The following KIAA1549 variants were observed in gnomAD, a reference collection of about 807,000 sequenced individuals.
The protein encoded by KIAA1549 is KIAA1549, also known as UPF0606 protein KIAA1549.
A neutral mutation model predicts 156.4 loss-of-function variants in KIAA1549; 70 were observed. That is an observed-to-expected ratio of 0.45 (90% CI 0.37 to 0.55). The LOEUF is 0.55. KIAA1549 is among the 20% of genes least tolerant of loss of function. The pLI, the probability that KIAA1549 is intolerant of heterozygous loss-of-function variation, is 0.00. For synonymous variants in KIAA1549, 1,103 were observed against 1,066.4 expected (o/e 1.03, Z -0.67); for missense variants, 2,428 against 2,540.9 (o/e 0.96, Z 0.96).
intron 16 of KIAA1549, among the ~76,000 whole-genome samples, chr7:138,860,197 T>C (rs554452318): frequency 1.3e-5 from 2 of 152,308 alleles, no homozygotes; most frequent in African/African-American, 4.8e-5. Flanking sequence ...AGCTATATTT[T>C]AAAATTAAAA....
At position 138,840,182 on chromosome 7, in the gene KIAA1549, C is replaced by G; in HGVS notation, c.5549G>C (p.Gly1850Ala). ...IPPSRGSQYG[G>A]PGWPSYGEDE... ...CTCCCCGTACGAAGGCCAGCCTGGC[C>G]CCCCATACTGGCTGCCTCTGCTTGG... The change falls in exon 19 of 20, where the codon GGG becomes GCG. Residue 1850 changes from glycine to alanine, a missense_variant. Coordinates refer to ENST00000422774, the MANE Select transcript of KIAA1549 (RefSeq NM_001164665.2). The G allele has an allele frequency of 6.4e-7, 1 of 1,562,522 alleles. No homozygotes were observed. The highest frequency in any genetic ancestry group is 8.7e-7 in the Non-Finnish European group (1 of 1,153,076).
Position 138,916,818 on chromosome 7 carries a change from T to G in KIAA1549, c.2808A>C (p.Pro936=), listed in dbSNP as rs1161561097. 1.2e-6 allele frequency: 2 copies of G among 1,613,924 alleles called. No homozygotes were observed. The highest frequency in any genetic ancestry group is 1.7e-5 in the Admixed American group (1 of 60,024). The part of the protein sequence containing the change: ...AFTLEATVDT[P]TLATAKPPYV... ...ATGGCGGCTTGGCAGTAGCCAGTGT[T>G]GGTGTGTCGACTGTTGCTTCGAGAG... The change falls in exon 2 of 20, where the codon CCA becomes CCC. Residue 936 remains proline (P), a synonymous_variant. Transcript: ENST00000422774.
chr7:138,935,716 C>G (rs1812991228), intron 1 of KIAA1549, among the ~76,000 whole-genome samples: 1 of 152,192 alleles, frequency 6.6e-6, no homozygotes, highest in Non-Finnish European at 1.5e-5. Context: ...CAGGAGACAC[C>G]ACTGCCTCCC....
At chr7:138,947,517 C>T (rs913970790) in intron 1 of KIAA1549, among the ~76,000 whole-genome samples, 1 of 152,154 alleles carries the variant, frequency 6.6e-6, no homozygotes, top group Non-Finnish European at 1.5e-5. Flanking sequence ...AGCACACCTC[C>T]ACTATATACT....
rs547160776 is a variant in KIAA1549, at chr7:138,901,331, T to A, written c.3670-2199A>T. ...TGTAGCCTCTCTTGAGTTTTATTTTTTTTTTTTTTTTTGAGACAGAGTCTC... is the reference window on the plus strand; with the variant it reads ...TGTAGCCTCTCTTGAGTTTTATTTTATTTTTTTTTTTTGAGACAGAGTCTC... On this transcript the variant is annotated intron_variant, in intron 8 of 19. Transcript: ENST00000422774. 6.3e-4 allele frequency among the ~76,000 whole-genome samples: 95 copies of A among 151,056 alleles called. 1 individual carries two copies. The East Asian group carries it at 0.013, about 20-fold the overall frequency.
intron 1 of KIAA1549, among the ~76,000 whole-genome samples, chr7:138,934,994 G>A (rs138361656): frequency 4.7e-4 from 72 of 152,298 alleles, no homozygotes; most frequent in East Asian, 3.7e-3. Flanking sequence ...AGAACTGGGC[G>A]CTGTTCTATC....
chr7:138,837,863 C>T lies in KIAA1549; in HGVS notation c.*43G>A, dbSNP rs1477700849. The stretch of plus-strand genomic sequence containing the variant: ...AGTTGATTTCCTTTTGGTCTTGCTT[C>T]CACAGGAAGCGGATACTTGGCAAAT... On this transcript the variant is annotated 3_prime_UTR_variant, in exon 20 of 20. Transcript: ENST00000422774. The T allele has an allele frequency of 1.3e-6, 2 of 1,594,260 alleles. No homozygotes were observed. The highest frequency in any genetic ancestry group is 1.7e-6 in the Non-Finnish European group (2 of 1,170,276).
At chr7:138,872,968 T>C (rs1457459722) in intron 12 of KIAA1549, among the ~76,000 whole-genome samples, 1 of 152,186 alleles carries the variant, frequency 6.6e-6, no homozygotes, top group African/African-American at 2.4e-5. Flanking sequence ...CTTCTGGATG[T>C]TGCTTTCAAA....
In KIAA1549 at chr7:138,878,061, C is replaced by T. The variant is rs535420254; in HGVS notation, c.4345+1477G>A. Among the ~76,000 whole-genome samples the T allele has an allele frequency of 9.8e-5, 15 of 152,304 alleles. 1 individual carries two copies. The highest frequency in any genetic ancestry group is 2.6e-4 in the Admixed American group (4 of 15,302). On this transcript the variant is annotated intron_variant, in intron 12 of 19. Coordinates refer to ENST00000422774, the MANE Select transcript of KIAA1549 (RefSeq NM_001164665.2). ...TAATCCTGTCTATCTGAAACAGTATCGGTTACCATGGTGCTAAATAATTTT... is the reference window on the plus strand; with the variant it reads ...TAATCCTGTCTATCTGAAACAGTATTGGTTACCATGGTGCTAAATAATTTT...
intron 1 of KIAA1549, among the ~76,000 whole-genome samples, chr7:138,934,229 G>A (rs368835739): frequency 1.3e-5 from 2 of 151,756 alleles, no homozygotes; most frequent in Non-Finnish European, 2.9e-5. Context: ...AGGAAGGAAC[G>A]GAACCTGCAG....
intron 1 of KIAA1549, among the ~76,000 whole-genome samples, chr7:138,953,674 G>C (rs931093505): frequency 3.9e-4 from 59 of 152,312 alleles, no homozygotes; most frequent in African/African-American, 1.4e-3. Flanking sequence ...TTCCCAAGCA[G>C]AGACTCGACA....
At chr7:138,890,537 C>T (rs958571017) in intron 10 of KIAA1549, among the ~76,000 whole-genome samples, 1 of 152,230 alleles carries the variant, frequency 6.6e-6, no homozygotes, top group African/African-American at 2.4e-5. Context: ...ACTCCCGTAA[C>T]CCTGTGGTCC....
Position 138,918,308 on chromosome 7 carries a change from T to C in KIAA1549, c.1318A>G (p.Lys440Glu), listed in dbSNP as rs1488336005. 1 of 1,613,810 alleles carries C rather than the reference T, an allele frequency of 6.2e-7. No homozygotes were observed. The highest frequency in any genetic ancestry group is 8.5e-7 in the Non-Finnish European group (1 of 1,179,884). The change falls in exon 2 of 20, where the codon AAA becomes GAA. Residue 440 changes from lysine (K) to glutamate (E), a missense_variant. By Grantham distance (56) the Lys-to-Glu change is moderately conservative. Around this residue, in one of 5 missense-constraint regions of KIAA1549, gnomAD observed 893 missense variants for 847.9 expected, o/e 1.05. Transcript: ENST00000422774. This position sits in a 1 kb window ranked among gnomAD's most constrained non-coding sequence, Gnocchi z 4.2. ...GCACCATCCCCTGATCCCACGTCTTTCTCCATGAGGCTCGTGGCCAGAACT... is the reference window on the plus strand; with the variant it reads ...GCACCATCCCCTGATCCCACGTCTTCCTCCATGAGGCTCGTGGCCAGAACT... The part of the protein sequence containing the change: ...QQVLATSLME[K>E]DVGSGDGAET...
intron 7 of KIAA1549, among the ~76,000 whole-genome samples, chr7:138,904,207 T>C (rs6979681): frequency 0.41 from 62,962 of 152,180 alleles, 15,388 homozygotes; most frequent in African/African-American, 0.68. Flanking sequence ...TAGTTATCTA[T>C]TTCAGACAAG....
intron 10 of KIAA1549, 112 bp from the exon 11 acceptor site, chr7:138,881,696 C>CA: frequency 1.1e-6 from 1 of 884,724 alleles, no homozygotes; most frequent in African/African-American, 1.7e-5. Flanking sequence ...TCCAATCCAA[C>CA]AAGCATCGCT....
rs544201205 is a variant in KIAA1549, at chr7:138,844,614, G to A, written c.5295-140C>T. On this transcript the variant is annotated intron_variant, in intron 17 of 19. Coordinates refer to ENST00000422774, the MANE Select transcript of KIAA1549 (RefSeq NM_001164665.2). ...CATCTCCTCTCCTGGAAGGGGAAGAGATGTTTCTCCTGCTCCCTGAGGGAA... is the reference window on the plus strand; with the variant it reads ...CATCTCCTCTCCTGGAAGGGGAAGAAATGTTTCTCCTGCTCCCTGAGGGAA... The A allele has an allele frequency of 2.4e-5, 19 of 789,082 alleles. No individual in the cohort carries two copies. The East Asian group carries it at 4.1e-4, about 17-fold the overall frequency. The allele number at this position is 789,082 out of a possible 1,614,324, so 48.9% of individuals were successfully genotyped here.
chr7:138,880,781 G>A (rs1811218647), intron 11 of KIAA1549, among the ~76,000 whole-genome samples: 1 of 152,132 alleles, frequency 6.6e-6, no homozygotes, highest in Non-Finnish European at 1.5e-5. Context: ...AAACTAATAG[G>A]CAATTCTCCA....
intron 10 of KIAA1549, among the ~76,000 whole-genome samples, chr7:138,882,513 A>G (rs1250811960): frequency 6.6e-6 from 1 of 152,160 alleles, no homozygotes; most frequent in African/African-American, 2.4e-5. Context: ...AGCCTGGGGG[A>G]ACTTGCAGGC....
intron 4 of KIAA1549, 133 bp from the exon 5 acceptor site, chr7:138,909,254 A>G: frequency 1.1e-6 from 1 of 883,392 alleles, no homozygotes; most frequent in South Asian, 1.8e-5. Flanking sequence ...ACTGTGATGT[A>G]ACATTTCTAC....
Sources: gnomAD v4.1 joint callset for allele counts (sites outside exome capture counted in the v4.1 genomes callset) on GRCh38, gnomAD v4.1.1 for gene constraint, gnomAD v4.1.1 regional missense constraint, Gnocchi (gnomAD v3.1) non-coding constraint, MANE v1.5 for transcripts, NCBI Gene and HGNC (gene_info 2026-07-23, HGNC 2026-07-21) for gene names.